The following GPHN variants were observed in gnomAD, a reference collection of about 807,000 sequenced individuals.
GPHN encodes the protein gephyrin.
In GPHN, 17 loss-of-function variants were observed where a neutral mutation model predicts 95.5. The observed-to-expected ratio is 0.18, with a 90% CI of 0.12 to 0.27. GPHN has a LOEUF of 0.27. GPHN is among the 10% of genes least tolerant of loss of function. The pLI is 1.00. For missense variants in GPHN, 660 were observed against 978.1 expected (o/e 0.67, Z 4.34); for synonymous variants, 320 against 322.5 (o/e 0.99, Z 0.08).
At chr14:67,171,631 A>G (rs974973496) in intron 21 of GPHN, among the ~76,000 whole-genome samples, 3 of 152,168 alleles carry the variant, frequency 2.0e-5, no homozygotes, top group African/African-American at 7.2e-5. Flanking sequence ...AGGATAGCCA[A>G]CTATAAGTCC....
intron 8 of GPHN, among the ~76,000 whole-genome samples, chr14:66,942,114 T>A (rs548471298): frequency 6.6e-6 from 1 of 152,238 alleles, no homozygotes; most frequent in African/African-American, 2.4e-5. Context: ...CAAGTTCAAG[T>A]GATTCTCCCG....
chr14:67,179,267 T>C (rs1436761607), intron 21 of GPHN, among the ~76,000 whole-genome samples: 1 of 151,922 alleles, frequency 6.6e-6, no homozygotes. Context: ...ATGCATGTGG[T>C]CCCAGCTACT....
chr14:67,490,802 TC>T, the GPHN span, among the ~76,000 whole-genome samples: 2 of 151,760 alleles, frequency 1.3e-5, no homozygotes, highest in East Asian at 1.9e-4. Context: ...TCCTTAACAC[TC>T]CCCAAATCTC....
the GPHN span, chr14:67,576,265 G>T: frequency 1.6e-6 from 1 of 629,468 alleles, no homozygotes; most frequent in Non-Finnish European, 2.8e-6. The surrounding 1 kb of genome is among the most constrained non-coding windows in gnomAD (Gnocchi z 4.0). Context: ...TTTCCAGGTA[G>T]CCCTGACTCA....
At chr14:67,140,836 G>A (rs1295546562) in intron 17 of GPHN, among the ~76,000 whole-genome samples, 3 of 152,178 alleles carry the variant, frequency 2.0e-5, no homozygotes, top group African/African-American at 7.2e-5. Context: ...ATAATTTGCT[G>A]TCTTTTTTCC....
chr14:66,879,220 T>G (rs2063814165), intron 4 of GPHN, among the ~76,000 whole-genome samples: 1 of 151,838 alleles, frequency 6.6e-6, no homozygotes. Context: ...GATGGAGGGT[T>G]AGGGGAGAGA....
chr14:67,627,226 A>T, the GPHN span, among the ~76,000 whole-genome samples: 1 of 147,536 alleles, frequency 6.8e-6, no homozygotes, highest in Non-Finnish European at 1.5e-5. Flanking sequence ...CTCAATAATT[A>T]AAAAACTAGG....
intron 11 of GPHN, among the ~76,000 whole-genome samples, chr14:67,064,680 G>A (rs1029043949): frequency 8.5e-5 from 13 of 152,124 alleles, no homozygotes; most frequent in Non-Finnish European, 1.8e-4. Context: ...ATGTGTCCAG[G>A]AATTTATCCA....
chr14:67,493,344 C>T, the GPHN span, among the ~76,000 whole-genome samples: 1 of 152,202 alleles, frequency 6.6e-6, no homozygotes, highest in African/African-American at 2.4e-5. Context: ...ACCCTTGCCT[C>T]CTTTGATGAT....
intron 5 of GPHN, among the ~76,000 whole-genome samples, chr14:66,899,365 A>G (rs1832422339): frequency 6.6e-6 from 1 of 151,834 alleles, no homozygotes; most frequent in Admixed American, 6.6e-5. Context: ...AAAGCACTCA[A>G]TGTTTCACTA....
chr14:67,401,047 C>T, the GPHN span, among the ~76,000 whole-genome samples: 3 of 151,976 alleles, frequency 2.0e-5, no homozygotes, highest in Admixed American at 6.6e-5. Flanking sequence ...GTCTGTGTGC[C>T]TCCAAAATTC....
the GPHN span, among the ~76,000 whole-genome samples, chr14:67,435,494 G>A: frequency 1.4e-4 from 22 of 152,252 alleles, no homozygotes; most frequent in Non-Finnish European, 2.2e-4. Context: ...CCCTGTCTGA[G>A]ATGCCCACAG....
In GPHN at chr14:67,058,691, G is replaced by A. The variant is rs748299033; in HGVS notation, c.1049G>A (p.Arg350His). 15 of 1,610,664 alleles carry A rather than the reference G, an allele frequency of 9.3e-6. No individual in the cohort carries two copies. The highest frequency in any genetic ancestry group is 4.4e-5 in the South Asian group (4 of 91,006). ...VDITKVARRHRMSPFPLTSMD... is the reference protein window; with the variant it reads ...VDITKVARRHHMSPFPLTSMD... The stretch of plus-strand genomic sequence containing the variant: ...ATCACCAAGGTGGCTAGAAGACATC[G>A]CATGTCTCCTTTTCCTCTGACATCT... The change falls in exon 11 of 23, where the codon CGC becomes CAC. Residue 350 changes from arginine to histidine, a missense_variant. This residue lies in a region of GPHN where 190 missense variants were observed against 224.7 expected (regional missense o/e 0.85). Coordinates refer to ENST00000478722, the MANE Select transcript of GPHN (RefSeq NM_020806.5).
At chr14:67,642,212 T>A in the GPHN span, 1 of 1,614,062 alleles carries the variant, frequency 6.2e-7, no homozygotes, top group Non-Finnish European at 8.5e-7. Flanking sequence ...CTTTGGAGAT[T>A]TGAGTTTTAC....
chr14:67,157,564 C>G (rs2081672004), intron 18 of GPHN, among the ~76,000 whole-genome samples: 2 of 152,150 alleles, frequency 1.3e-5, no homozygotes, highest in Non-Finnish European at 2.9e-5. Context: ...TTGTTCACAC[C>G]TGTAATTCCA....
chr14:66,830,025 G>C (rs1227687080), intron 4 of GPHN, among the ~76,000 whole-genome samples: 1 of 152,082 alleles, frequency 6.6e-6, no homozygotes, highest in East Asian at 1.9e-4. Flanking sequence ...AGTTTTATTG[G>C]AACAAAGCTA....
chr14:67,360,695 T>G, the GPHN span: 1 of 153,734 alleles, frequency 6.5e-6, no homozygotes, highest in South Asian at 2.1e-4. Context: ...TGAAGGAAAG[T>G]GGGCCGAGTG....
the GPHN span, chr14:67,302,440 G>C: frequency 6.3e-7 from 1 of 1,597,384 alleles, no homozygotes; most frequent in Non-Finnish European, 8.5e-7. Flanking sequence ...AATGGACTCT[G>C]TCATCATTAG....
the GPHN span, among the ~76,000 whole-genome samples, chr14:67,438,242 G>T: frequency 6.6e-6 from 1 of 152,202 alleles, no homozygotes; most frequent in Non-Finnish European, 1.5e-5. Context: ...CCTGGCTTGG[G>T]TCAGTGTCTA....
Sources: allele counts gnomAD v4.1 joint callset (sites outside exome capture counted in the v4.1 genomes callset), GRCh38; gene constraint gnomAD v4.1.1; regional missense constraint gnomAD v4.1.1; non-coding constraint Gnocchi (gnomAD v3.1); transcripts MANE v1.5; gene names NCBI Gene and HGNC (gene_info 2026-07-23, HGNC 2026-07-21).